The following RNF19A variants were observed in gnomAD, a reference collection of about 807,000 sequenced individuals.
RNF19A encodes the protein E3 ubiquitin-protein ligase RNF19A.
In RNF19A, 32 loss-of-function variants were observed where a neutral mutation model predicts 75.7. The ratio of observed to expected loss-of-function variants is 0.42; its 90% CI spans 0.32 to 0.57. The LOEUF (loss-of-function observed/expected upper bound fraction) is 0.57, where lower values mean the gene tolerates loss of function less well. RNF19A is among the 20% of genes least tolerant of loss of function. The pLI is 0.10. For synonymous variants in RNF19A, 335 were observed against 345.2 expected, an observed-to-expected ratio of 0.97 and a Z score of 0.33; for missense variants, 782 against 1,036.3, an observed-to-expected ratio of 0.75 and a Z score of 3.37.
At position 100,275,159 on chromosome 8, in the gene RNF19A, T is replaced by A. The variant is rs972343276; in HGVS notation, c.677A>T (p.Tyr226Phe). ...GGCACATCCAAATGCTATCACAGCATATCTTGAAAGAACAAGAAAAATGAT... is the reference window on the plus strand; with the variant it reads ...GGCACATCCAAATGCTATCACAGCAAATCTTGAAAGAACAAGAAAAATGAT... ...CRWCPAPDCG[Y>F]AVIAFGCASC... The change falls in exon 3 of 10, where the codon TAT becomes TTT. Residue 226 changes from tyrosine to phenylalanine, a missense_variant and splice_region_variant. Transcript: ENST00000341084. The surrounding 1 kb of genome is among the most constrained non-coding windows in gnomAD (Gnocchi z 4.3). The A allele has an allele frequency of 6.2e-7, 1 of 1,613,550 alleles. No homozygotes were observed. The highest frequency in any genetic ancestry group is 8.5e-7 in the Non-Finnish European group (1 of 1,179,572).
At position 100,330,534 on chromosome 8, in the gene RNF19A, T is replaced by C. The variant is rs2087200836; in HGVS notation, c.-243+5574A>G. On this transcript the variant is annotated intron_variant, in intron 1 of 3. Transcript: ENST00000519527. This position sits in a 1 kb window ranked among gnomAD's most constrained non-coding sequence, Gnocchi z 4.1. Reference sequence around the variant, plus strand: ...ACTGTTGGGGACACTTATGTGTTAATTGCAAAGCTGGAGTTGCCAGAAGCC... The same window carrying C: ...ACTGTTGGGGACACTTATGTGTTAACTGCAAAGCTGGAGTTGCCAGAAGCC... 6.6e-6 allele frequency among the ~76,000 whole-genome samples: 1 copy of C among 152,200 alleles called. No individual in the cohort carries two copies. The highest frequency in any genetic ancestry group is 1.5e-5 in the Non-Finnish European group (1 of 68,032).
rs1821069265 is a variant in RNF19A, at chr8:100,287,299, T to C, written c.674+202A>G. 6.6e-6 allele frequency among the ~76,000 whole-genome samples: 1 copy of C among 152,210 alleles called. No homozygotes were observed. Among genetic ancestry groups the C allele is most frequent in the East Asian group, 1.9e-4 (1 of 5,196 alleles). On this transcript the variant is annotated intron_variant, in intron 2 of 9. Transcript: ENST00000341084. The surrounding 1 kb of genome is among the most constrained non-coding windows in gnomAD (Gnocchi z 4.1). ...CTTCTAAAAGTGCTCAGTGAGTATGTAACGCAGAGACGATATAGAAATGAG... is the reference window on the plus strand; with the variant it reads ...CTTCTAAAAGTGCTCAGTGAGTATGCAACGCAGAGACGATATAGAAATGAG...
intron 1 of RNF19A, 43 bp from the exon 2 acceptor site, chr8:100,288,310 TTC>T: frequency 8.7e-7 from 1 of 1,149,910 alleles, no homozygotes; most frequent in Non-Finnish European, 1.1e-6. Flanking sequence ...TTTAATTGTA[TTC>T]TTAGTTTGTA....
intron 1 of RNF19A, among the ~76,000 whole-genome samples, chr8:100,327,245 CTTTTTTTT>C (rs71303441): frequency 2.2e-4 from 17 of 75,836 alleles, no homozygotes; most frequent in African/African-American, 9.4e-4. Flanking sequence ...GCAATTACTT[CTTTTTTTT>C]TTTTTTTTTT....
At chr8:100,266,360 ATCTCT>A (rs962997642) in intron 5 of RNF19A, among the ~76,000 whole-genome samples, 1 of 152,184 alleles carries the variant, frequency 6.6e-6, no homozygotes, top group Non-Finnish European at 1.5e-5. Context: ...GAGGTAAATA[ATCTCT>A]TCTCTATAAA....
rs933510886 is a variant in RNF19A, at chr8:100,284,048, T to C, written c.674+3453A>G. 1.3e-5 allele frequency among the ~76,000 whole-genome samples: 2 copies of C among 151,836 alleles called. No individual in the cohort carries two copies. Among genetic ancestry groups the C allele is most frequent in the African/African-American group, 2.4e-5 (1 of 41,322 alleles). On this transcript the variant is annotated intron_variant, in intron 2 of 9. Transcript: ENST00000341084. The surrounding 1 kb of genome is among the most constrained non-coding windows in gnomAD (Gnocchi z 4.3). ...TAATAAACCTCCAGTTCCTGGTACA[T>C]AGGTGCATTAAATATTTGAATGATT...
intron 2 of RNF19A, among the ~76,000 whole-genome samples, chr8:100,280,160 G>T (rs751101040): frequency 6.6e-5 from 10 of 152,138 alleles, no homozygotes; most frequent in African/African-American, 9.7e-5. Context: ...TCCATTCAGT[G>T]CCCGGCCCTT....
In RNF19A at chr8:100,323,702, T is replaced by C. The variant is rs1308542346; in HGVS notation, c.-242-10330A>G. 6.6e-6 allele frequency among the ~76,000 whole-genome samples: 1 copy of C among 152,172 alleles called. No homozygotes were observed. The highest frequency in any genetic ancestry group is 1.5e-5 in the Non-Finnish European group (1 of 68,024). On this transcript the variant is annotated intron_variant, in intron 1 of 3. Transcript: ENST00000519527. The surrounding 1 kb of genome is among the most constrained non-coding windows in gnomAD (Gnocchi z 4.6). ...AGAACCCAAAATGGCTAATTGAAAG[T>C]TTGTGTGATATGAAAAGATAGGCAA...
Position 100,264,826 on chromosome 8 carries a change from ATACAT to A in RNF19A, c.1192-46_1192-42del. The A allele has an allele frequency of 7.3e-7, 1 of 1,362,100 alleles. No individual in the cohort carries two copies. The highest frequency in any genetic ancestry group is 1.0e-6 in the Non-Finnish European group (1 of 954,214). The allele number at this position is 1,362,100 out of a possible 1,614,324, so 84.4% of individuals were successfully genotyped here. A position where few individuals can be genotyped will look rare whatever the true frequency, so the allele number is the denominator to read the frequency against. Reference sequence around the variant, plus strand: ...ATAGGGGTGGGGGATTAAAGAGAAAATACATTACAATTTAACTTAGTTGAAAAAGA... The same window carrying A: ...ATAGGGGTGGGGGATTAAAGAGAAAATACAATTTAACTTAGTTGAAAAAGA... On this transcript the variant is annotated intron_variant, in intron 5 of 9. Coordinates refer to ENST00000341084, the MANE Select transcript of RNF19A (RefSeq NM_183419.4). This position sits in a 1 kb window ranked among gnomAD's most constrained non-coding sequence, Gnocchi z 4.7.
Position 100,259,858 on chromosome 8 carries a change from C to G in RNF19A, c.1822G>C (p.Asp608His), listed in dbSNP as rs1468970883. 16 of 1,610,164 alleles carry G rather than the reference C, an allele frequency of 9.9e-6. No individual in the cohort carries two copies. The highest frequency in any genetic ancestry group is 1.4e-5 in the Non-Finnish European group (16 of 1,178,504). The change falls in exon 9 of 10, where the codon GAC becomes CAC. Residue 608 changes from aspartate (D) to histidine (H), a missense_variant. Around this residue, in one of 7 missense-constraint regions of RNF19A, gnomAD observed 442 missense variants for 541.6 expected, o/e 0.82. Transcript: ENST00000341084. This position sits in a 1 kb window ranked among gnomAD's most constrained non-coding sequence, Gnocchi z 4.5. ...GSILNSYIPL[D>H]KEGNSMEVQV... ...TTTTAACAGTTTTTTCCTTACTTGT[C>G]CAATGGGATGTAGGAATTCAGAATG...
intron 1 of RNF19A, among the ~76,000 whole-genome samples, chr8:100,326,078 A>T (rs956514352): frequency 6.6e-5 from 10 of 152,078 alleles, no homozygotes; most frequent in Non-Finnish European, 1.5e-4. Context: ...CTGTAATCTC[A>T]TGACCTTGTC....
At position 100,330,048 on chromosome 8, in the gene RNF19A, G is replaced by T. The variant is rs539244131; in HGVS notation, c.-243+6060C>A. On this transcript the variant is annotated intron_variant, in intron 1 of 3. Transcript: ENST00000519527. This position sits in a 1 kb window ranked among gnomAD's most constrained non-coding sequence, Gnocchi z 4.1. Reference sequence around the variant, plus strand: ...GTGGGAGGAGGCTTATAGGAGAGGTGGGGGAAGTTGGATTAGAGGGCTGCC... The same window carrying T: ...GTGGGAGGAGGCTTATAGGAGAGGTTGGGGAAGTTGGATTAGAGGGCTGCC... Among the ~76,000 whole-genome samples, 50 of 152,216 alleles carry T rather than the reference G, an allele frequency of 3.3e-4. No individual in the cohort carries two copies. The highest frequency in any genetic ancestry group is 3.4e-3 in the Middle Eastern group (1 of 294).
intron 1 of RNF19A, among the ~76,000 whole-genome samples, chr8:100,292,362 T>A: frequency 6.6e-6 from 1 of 151,256 alleles, no homozygotes; most frequent in African/African-American, 2.5e-5. Context: ...CATGTTTATA[T>A]CCTGCTGCAG....
At chr8:100,310,056 T>G (rs972678724), upstream of RNF19A, 7 of 985,398 alleles carry the variant, frequency 7.1e-6, no homozygotes, top group African/African-American at 1.0e-4. Context: ...TCCTCCGCAG[T>G]TGTGGCTCGA....
At position 100,259,832 on chromosome 8, in the gene RNF19A, T is replaced by A. The variant is rs541138546; in HGVS notation, c.1826+22A>T. On this transcript the variant is annotated intron_variant, in intron 9 of 9. Transcript: ENST00000341084. This position sits in a 1 kb window ranked among gnomAD's most constrained non-coding sequence, Gnocchi z 4.5. The stretch of plus-strand genomic sequence containing the variant: ...CTTTAATTTAAAAAATACTTTCAAT[T>A]TTTTAACAGTTTTTTCCTTACTTGT... 1 of 1,591,836 alleles carries A rather than the reference T, an allele frequency of 6.3e-7. No homozygotes were observed. The highest frequency in any genetic ancestry group is 1.3e-5 in the African/African-American group (1 of 74,076).
rs781322228 is a variant in RNF19A, at chr8:100,261,660, T to C, written c.1564A>G (p.Met522Val). The change falls in exon 8 of 10, where the codon ATG becomes GTG. Residue 522 changes from methionine to valine, a missense_variant. By Grantham distance (21) the Met-to-Val change is conservative. Around this residue, in one of 7 missense-constraint regions of RNF19A, gnomAD observed 442 missense variants for 541.6 expected, o/e 0.82. Transcript: ENST00000341084. The surrounding 1 kb of genome is among the most constrained non-coding windows in gnomAD (Gnocchi z 4.4). ...TCTCGGATGGCTCCTATTCGATCCA[T>C]GTGGCTTCCACTTGCACTCAAACTG... ...TGSLSASGSH[M>V]DRIGAIRDNL... The C allele has an allele frequency of 3.1e-6, 5 of 1,614,164 alleles. No homozygotes were observed. The highest frequency in any genetic ancestry group is 3.3e-4 in the Middle Eastern group (2 of 6,060).
At position 100,259,815 on chromosome 8, in the gene RNF19A, T is replaced by A; in HGVS notation, c.1826+39A>T. 6.4e-7 allele frequency: 1 copy of A among 1,559,838 alleles called. No individual in the cohort carries two copies. The highest frequency in any genetic ancestry group is 8.8e-7 in the Non-Finnish European group (1 of 1,140,662). On this transcript the variant is annotated intron_variant, in intron 9 of 9. Transcript: ENST00000341084. The surrounding 1 kb of genome is among the most constrained non-coding windows in gnomAD (Gnocchi z 4.5). ...AATGATAGGAATTATTCCTTTAATT[T>A]AAAAAATACTTTCAATTTTTTAACA...
intron 1 of RNF19A, among the ~76,000 whole-genome samples, chr8:100,290,303 T>A (rs1184519301): frequency 6.6e-6 from 1 of 152,184 alleles, no homozygotes; most frequent in South Asian, 2.1e-4. Context: ...GGTTTCACCA[T>A]GTTGGTCAGG....
At chr8:100,276,098 G>C (rs556733748) in intron 2 of RNF19A, among the ~76,000 whole-genome samples, 2 of 152,224 alleles carry the variant, frequency 1.3e-5, no homozygotes, top group South Asian at 4.1e-4. Context: ...GCATTCTTTG[G>C]CATTTATCCC....
Sources: gnomAD v4.1 joint callset for allele counts (sites outside exome capture counted in the v4.1 genomes callset) on GRCh38, gnomAD v4.1.1 for gene constraint, gnomAD v4.1.1 regional missense constraint, Gnocchi (gnomAD v3.1) non-coding constraint, MANE v1.5 for transcripts, NCBI Gene and HGNC (gene_info 2026-07-23, HGNC 2026-07-21) for gene names.